PTPRS: variants seen among roughly 807,000 people sequenced by gnomAD.
The protein encoded by PTPRS is protein tyrosine phosphatase receptor type S, also known as receptor-type tyrosine-protein phosphatase S.
PTPRS carries 63 observed loss-of-function variants against 215.3 expected under a neutral mutation model. The observed-to-expected ratio is 0.29, with a 90% CI of 0.24 to 0.36. PTPRS has a LOEUF of 0.36. Ranked by LOEUF, PTPRS falls within the 10% of genes least tolerant of loss-of-function variation. The probability of loss-of-function intolerance (pLI) is 1.00; values close to 1 mark genes in which losing one functional copy is unlikely to be tolerated. For synonymous variants in PTPRS, 1,404 were observed against 1,191.4 expected (o/e 1.18, Z -3.68); for missense variants, 2,258 against 2,825.8 (o/e 0.80, Z 4.56).
At chr19:5,246,662 A>C (rs1242612727) in intron 9 of PTPRS, among the ~76,000 whole-genome samples, 1 of 152,342 alleles carries the variant, frequency 6.6e-6, no homozygotes, top group South Asian at 2.1e-4. Context: ...TGAGGCCAGG[A>C]GACAGAGGGA....
intron 17 of PTPRS, among the ~76,000 whole-genome samples, chr19:5,224,679 A>G (rs904326049): frequency 6.6e-6 from 1 of 152,208 alleles, no homozygotes; most frequent in African/African-American, 2.4e-5. Context: ...TCTGCTTAGC[A>G]AACACAGCTC....
chr19:5,230,984 T>C (rs2042963880), intron 14 of PTPRS, among the ~76,000 whole-genome samples: 1 of 152,180 alleles, frequency 6.6e-6, no homozygotes, highest in Non-Finnish European at 1.5e-5. Context: ...GATCAGCACA[T>C]TGTTGTTGCA....
chr19:5,260,233 G>A (rs1482030121), intron 7 of PTPRS, among the ~76,000 whole-genome samples: 2 of 149,024 alleles, frequency 1.3e-5, no homozygotes, highest in East Asian at 2.0e-4. Flanking sequence ...CTGGAGTGCA[G>A]TGGCATGATC....
chr19:5,219,336 A>C lies in PTPRS; in HGVS notation c.3897T>G (p.Ile1299Met). Residue 1299 changes from isoleucine (I) to methionine (M), a missense_variant, in exon 23 of 38, where the codon ATT becomes ATG. Ile to Met is a conservative substitution (Grantham distance 10, BLOSUM62 1). This residue lies in a region of PTPRS where 927 missense variants were observed against 1,125.9 expected (regional missense o/e 0.82). Transcript: ENST00000262963. ...TCTTGTAGAGCAGGATAGCAATGACAATGCAGATTATGAAGACCACGGCCA... is the reference window on the plus strand; with the variant it reads ...TCTTGTAGAGCAGGATAGCAATGACCATGCAGATTATGAAGACCACGGCCA... ...PVLAVVFIICIVIAILLYKNK... is the reference protein window; with the variant it reads ...PVLAVVFIICMVIAILLYKNK... 2 of 1,614,068 alleles carry C rather than the reference A, an allele frequency of 1.2e-6. No homozygotes were observed. Among genetic ancestry groups the C allele is most frequent in the Non-Finnish European group, 8.5e-7 (1 of 1,180,002 alleles).
At chr19:5,303,950 C>CAAAAAAAA (rs1555805672) in intron 1 of PTPRS, among the ~76,000 whole-genome samples, 2 of 95,710 alleles carry the variant, frequency 2.1e-5, no homozygotes, top group African/African-American at 6.0e-5. Flanking sequence ...GACTCTGTCT[C>CAAAAAAAA]AAAAAATAAT....
rs2049109661 is a variant in PTPRS, at chr19:5,295,524, C to T, written c.-94-9290G>A. On this transcript the variant is annotated intron_variant, in intron 1 of 37. Transcript: ENST00000262963. This position sits in a 1 kb window ranked among gnomAD's most constrained non-coding sequence, Gnocchi z 4.6. ...CAGAGCCCTACATGCGCCTAGTCCC[C>T]GGGTCTGCCTCTCCCACCAGACTGT... Among the ~76,000 whole-genome samples, 1 of 152,142 alleles carries T rather than the reference C, an allele frequency of 6.6e-6. No homozygotes were observed. Among genetic ancestry groups the T allele is most frequent in the South Asian group, 2.1e-4 (1 of 4,818 alleles).
chr19:5,216,196 A>G (rs945594220), intron 26 of PTPRS, among the ~76,000 whole-genome samples: 2 of 151,958 alleles, frequency 1.3e-5, no homozygotes, highest in African/African-American at 4.8e-5. Flanking sequence ...AGCAGGTGCA[A>G]GAAGGCCCTG....
intron 1 of PTPRS, among the ~76,000 whole-genome samples, chr19:5,334,765 G>C (rs2050438953): frequency 6.6e-6 from 1 of 152,308 alleles, no homozygotes; most frequent in African/African-American, 2.4e-5. Context: ...CTTGTGGGCT[G>C]TGTGAAGTGA....
intron 12 of PTPRS, among the ~76,000 whole-genome samples, chr19:5,239,330 A>G (rs1416567333): frequency 6.6e-6 from 1 of 151,926 alleles, no homozygotes; most frequent in Non-Finnish European, 1.5e-5. Flanking sequence ...AGACAGAGAC[A>G]GAGAGAAACA....
chr19:5,228,854 C>T (rs186554968), intron 16 of PTPRS, among the ~76,000 whole-genome samples: 10 of 152,270 alleles, frequency 6.6e-5, no homozygotes, highest in Admixed American at 1.3e-4. Context: ...TCTCATCACC[C>T]GGGGGCCAGA....
At position 5,214,355 on chromosome 19, in the gene PTPRS, C is replaced by T. The variant is rs1018817704; in HGVS notation, c.4614+6G>A. ...CCTCAGCCCCCAGCCCCAGCCTGGG[C>T]CCCACCTTGTGCAGAGAGAATGTCC... On this transcript the variant is annotated splice_donor_region_variant and intron_variant, in intron 30 of 37. Coordinates refer to ENST00000262963, the MANE Select transcript of PTPRS (RefSeq NM_002850.4). The T allele has an allele frequency of 1.2e-6, 2 of 1,612,270 alleles. No individual in the cohort carries two copies. Among genetic ancestry groups the T allele is most frequent in the Non-Finnish European group, 1.7e-6 (2 of 1,178,444 alleles).
At chr19:5,211,509 T>A in intron 33 of PTPRS, 81 bp downstream of exon 33, 1 of 1,423,572 alleles carries the variant, frequency 7.0e-7, no homozygotes, top group Admixed American at 2.1e-5. Flanking sequence ...CCCAGCTCTG[T>A]CTCCCACAAG....
intron 18 of PTPRS, 83 bp downstream of exon 18, chr19:5,222,606 G>A (rs2042089259): frequency 7.3e-7 from 1 of 1,372,150 alleles, no homozygotes; most frequent in Non-Finnish European, 9.6e-7. Flanking sequence ...GCACTTACCT[G>A]GGCAGGGGAG....
chr19:5,217,526 A>C (rs866173433), intron 25 of PTPRS, among the ~76,000 whole-genome samples: 42 of 147,178 alleles, frequency 2.9e-4, no homozygotes, highest in Middle Eastern at 3.5e-3. Flanking sequence ...GAAGTGACAC[A>C]AGCCAGTCCA....
Position 5,256,124 on chromosome 19 carries a change from G to A in PTPRS, c.707-5C>T. The A allele has an allele frequency of 6.6e-7, 1 of 1,524,034 alleles. No homozygotes were observed. The highest frequency in any genetic ancestry group is 9.1e-7 in the Non-Finnish European group (1 of 1,101,334). The allele number at this position is 1,524,034 out of a possible 1,614,324, so 94.4% of individuals were successfully genotyped here. Reference sequence around the variant, plus strand: ...CACACCAACCTTCTCGAAGCTCTGAGGGATGTAAAGGGGGTTTGATGCAGA... The same window carrying A: ...CACACCAACCTTCTCGAAGCTCTGAAGGATGTAAAGGGGGTTTGATGCAGA... On this transcript the variant is annotated splice_region_variant and splice_polypyrimidine_tract_variant and intron_variant, in intron 8 of 37. Transcript: ENST00000262963.
chr19:5,257,379 G>C lies in PTPRS; in HGVS notation c.706+638C>G, dbSNP rs572550199. On this transcript the variant is annotated intron_variant, in intron 8 of 37. Coordinates refer to ENST00000262963, the MANE Select transcript of PTPRS (RefSeq NM_002850.4). This position sits in a 1 kb window ranked among gnomAD's most constrained non-coding sequence, Gnocchi z 4.4. ...TCGGTGCAACTACCGAGCCCCCCGGGTGCCTGTGCCCGCTGTGGCTCCAGC... is the reference window on the plus strand; with the variant it reads ...TCGGTGCAACTACCGAGCCCCCCGGCTGCCTGTGCCCGCTGTGGCTCCAGC... 6.6e-6 allele frequency: 3 copies of C among 455,382 alleles called. No homozygotes were observed. The highest frequency in any genetic ancestry group is 1.3e-5 in the Non-Finnish European group (3 of 226,158). The allele number at this position is 455,382 out of a possible 1,614,324, so 28.2% of individuals were successfully genotyped here. A position where few individuals can be genotyped will look rare whatever the true frequency, so the allele number is the denominator to read the frequency against.
At position 5,206,752 on chromosome 19, in the gene PTPRS, G is replaced by T; in HGVS notation, c.*22C>A. The T allele has an allele frequency of 3.1e-6, 5 of 1,610,550 alleles. No individual in the cohort carries two copies. Among genetic ancestry groups the T allele is most frequent in the Non-Finnish European group, 4.2e-6 (5 of 1,176,874 alleles). On this transcript the variant is annotated 3_prime_UTR_variant, in exon 38 of 38. Transcript: ENST00000262963. ...AGAGGCATCCGGGGCCAGTGGTGTC[G>T]GGCCTGGGGGGAACCATGGCTTTAG...
chr19:5,291,963 T>C (rs1272382346), intron 1 of PTPRS, among the ~76,000 whole-genome samples: 1 of 151,742 alleles, frequency 6.6e-6, no homozygotes, highest in Non-Finnish European at 1.5e-5. Context: ...ACACTGTTCC[T>C]TCCACCCAGC....
Position 5,302,176 on chromosome 19 carries a change from C to A in PTPRS, c.-94-15942G>T, listed in dbSNP as rs898813171. ...AGCCAGAACTTAAGATCAACCTGGG[C>A]AACAAAGAGAGACCCCCGTCTCTAA... On this transcript the variant is annotated intron_variant, in intron 1 of 37. Transcript: ENST00000262963. Among the ~76,000 whole-genome samples, 8 of 151,866 alleles carry A rather than the reference C, an allele frequency of 5.3e-5. No homozygotes were observed. In the South Asian group the frequency reaches 1.7e-3, roughly 32 times the overall value.
Sources: allele counts gnomAD v4.1 joint callset (sites outside exome capture counted in the v4.1 genomes callset), GRCh38; gene constraint gnomAD v4.1.1; regional missense constraint gnomAD v4.1.1; non-coding constraint Gnocchi (gnomAD v3.1); transcripts MANE v1.5; gene names NCBI Gene and HGNC (gene_info 2026-07-23, HGNC 2026-07-21).